SOX6: variants seen among roughly 807,000 people sequenced by gnomAD.
SOX6 encodes the protein transcription factor SOX-6.
In SOX6, 11 loss-of-function variants were observed where a neutral mutation model predicts 97.8. The ratio of observed to expected loss-of-function variants is 0.11; its 90% CI spans 0.07 to 0.19. The LOEUF (loss-of-function observed/expected upper bound fraction) is 0.19. SOX6 is among the 10% of genes least tolerant of loss of function. The probability of loss-of-function intolerance (pLI) is 1.00; values close to 1 mark genes in which losing one functional copy is unlikely to be tolerated. For missense variants in SOX6, 810 were observed against 1,039.5 expected, an observed-to-expected ratio of 0.78 and a Z score of 3.04; for synonymous variants, 360 against 371.4, an observed-to-expected ratio of 0.97 and a Z score of 0.35.
chr11:16,339,316 C>T (rs1046960202), intron 2 of SOX6, among the ~76,000 whole-genome samples: 1 of 152,028 alleles, frequency 6.6e-6, no homozygotes, highest in Non-Finnish European at 1.5e-5. Flanking sequence ...TAGCCCCTAC[C>T]AATCTCTCCA....
At chr11:16,269,049 C>A (rs1045542076) in intron 3 of SOX6, among the ~76,000 whole-genome samples, 1 of 149,416 alleles carries the variant, frequency 6.7e-6, no homozygotes, top group African/African-American at 2.4e-5. Flanking sequence ...TTTTTTTTAA[C>A]CCTTAGATCT....
At chr11:16,095,310 G>C (rs1329887624) in intron 9 of SOX6, among the ~76,000 whole-genome samples, 2 of 151,740 alleles carry the variant, frequency 1.3e-5, no homozygotes, top group East Asian at 3.9e-4. Context: ...GGTTCTTATA[G>C]AAGAAAAGGT....
At chr11:16,668,603 C>G (rs981885807) in intron 3 of SOX6, among the ~76,000 whole-genome samples, 1 of 152,080 alleles carries the variant, frequency 6.6e-6, no homozygotes, top group African/African-American at 2.4e-5. Context: ...CAGTCAAAGA[C>G]ACAGAACAGA....
intron 6 of SOX6, among the ~76,000 whole-genome samples, chr11:16,163,601 A>T (rs1184934906): frequency 6.6e-6 from 1 of 152,234 alleles, no homozygotes; most frequent in Non-Finnish European, 1.5e-5. Flanking sequence ...ATACTTTCCA[A>T]ATCAAGTTTG....
chr11:16,592,222 A>G (rs1009628715), intron 4 of SOX6, among the ~76,000 whole-genome samples: 1 of 151,262 alleles, frequency 6.6e-6, no homozygotes, highest in South Asian at 2.1e-4. Context: ...TCTCCCGAAC[A>G]AACCTTAAAA....
intron 4 of SOX6, among the ~76,000 whole-genome samples, chr11:16,518,896 A>G (rs1861014926): frequency 1.3e-5 from 2 of 152,176 alleles, no homozygotes; most frequent in African/African-American, 2.4e-5. Flanking sequence ...AAAAACCTCT[A>G]TTTCTCAAAC....
chr11:16,320,470 G>T (rs1855884730), intron 2 of SOX6, among the ~76,000 whole-genome samples: 1 of 152,100 alleles, frequency 6.6e-6, no homozygotes, highest in Non-Finnish European at 1.5e-5. Flanking sequence ...TATATAAGGT[G>T]GGATACAATG....
intron 9 of SOX6, among the ~76,000 whole-genome samples, chr11:16,070,874 C>G (rs1048515501): frequency 1.3e-5 from 2 of 152,216 alleles, no homozygotes; most frequent in Non-Finnish European, 2.9e-5. Flanking sequence ...TAGACTGAGG[C>G]AGAGAGCTAC....
intron 3 of SOX6, among the ~76,000 whole-genome samples, chr11:16,235,899 T>C (rs1853002775): frequency 6.6e-6 from 1 of 152,022 alleles, no homozygotes; most frequent in Admixed American, 6.6e-5. Flanking sequence ...AAAAAACAAT[T>C]AACATTTGTC....
At chr11:16,079,705 A>AT (rs1848432071) in intron 9 of SOX6, among the ~76,000 whole-genome samples, 2 of 152,190 alleles carry the variant, frequency 1.3e-5, no homozygotes, top group Non-Finnish European at 2.9e-5. Context: ...TTTCTTCTGT[A>AT]TTTTTTAAAT....
chr11:16,268,665 T>C (rs1236907464), intron 3 of SOX6, among the ~76,000 whole-genome samples: 1 of 151,208 alleles, frequency 6.6e-6, no homozygotes, highest in Non-Finnish European at 1.5e-5. Context: ...GTCGTATCGC[T>C]TCAATAATTG....
At chr11:16,034,916 GGATA>G (rs1307805031) in intron 12 of SOX6, among the ~76,000 whole-genome samples, 2 of 152,056 alleles carry the variant, frequency 1.3e-5, no homozygotes, top group Non-Finnish European at 2.9e-5. Context: ...ATGCATAGTC[GGATA>G]GACAGACGCA....
intron 3 of SOX6, among the ~76,000 whole-genome samples, chr11:16,301,284 TAGAC>T (rs1317967360): frequency 2.0e-5 from 3 of 152,330 alleles, no homozygotes; most frequent in East Asian, 1.9e-4. Flanking sequence ...GAACACTTCT[TAGAC>T]AGTTAACCGA....
At chr11:16,298,640 T>C (rs1026065526) in intron 3 of SOX6, among the ~76,000 whole-genome samples, 3 of 152,164 alleles carry the variant, frequency 2.0e-5, no homozygotes, top group Non-Finnish European at 2.9e-5. Flanking sequence ...TCCATTCAGA[T>C]GTTATTCTAA....
intron 3 of SOX6, among the ~76,000 whole-genome samples, chr11:16,703,312 G>A (rs1341115332): frequency 6.6e-6 from 1 of 152,004 alleles, no homozygotes; most frequent in Non-Finnish European, 1.5e-5. Context: ...AGAACACCTG[G>A]TAATGAAAAC....
At chr11:16,119,837 T>C (rs1257929159) in intron 6 of SOX6, among the ~76,000 whole-genome samples, 1 of 152,220 alleles carries the variant, frequency 6.6e-6, no homozygotes, top group Non-Finnish European at 1.5e-5. Context: ...TTAGCAAATC[T>C]GTGGCTGCTA....
chr11:16,497,005 C>G (rs775754138), intron 4 of SOX6, among the ~76,000 whole-genome samples: 2 of 152,154 alleles, frequency 1.3e-5, no homozygotes, highest in African/African-American at 2.4e-5. Flanking sequence ...GATCTGAGAA[C>G]GGACAGACTG....
intron 1 of SOX6, among the ~76,000 whole-genome samples, chr11:16,429,644 T>C (rs879448094): frequency 1.3e-5 from 2 of 151,644 alleles, no homozygotes; most frequent in African/African-American, 4.8e-5. Context: ...CATGGACACA[T>C]AGAGGGGAAC....
intron 6 of SOX6, among the ~76,000 whole-genome samples, chr11:16,151,168 T>A (rs1850448281): frequency 6.6e-6 from 1 of 152,100 alleles, no homozygotes; most frequent in African/African-American, 2.4e-5. Context: ...TGACATTGGG[T>A]CACAGAAACA....
Sources: gnomAD v4.1 joint callset for allele counts (sites outside exome capture counted in the v4.1 genomes callset) on GRCh38, gnomAD v4.1.1 for gene constraint, MANE v1.5 for transcripts, NCBI Gene and HGNC (gene_info 2026-07-23, HGNC 2026-07-21) for gene names.